Variants in FANK1 observed in about 807,000 individuals in gnomAD.
FANK1 encodes the protein fibronectin type 3 and ankyrin repeat domains protein 1.
Under a neutral mutation model 45.3 loss-of-function variants are expected in FANK1, and 44 were observed. The ratio of observed to expected loss-of-function variants is 0.97; its 90% CI spans 0.76 to 1.25. The LOEUF (loss-of-function observed/expected upper bound fraction) is 1.25, where lower values mean the gene tolerates loss of function less well. Among genes scored for constraint, FANK1 ranks in the 50% most tolerant of loss-of-function variants. FANK1 has a pLI of 0.00. For synonymous variants in FANK1, 149 were observed against 152.5 expected (o/e 0.98, Z 0.17); for missense variants, 391 against 424.4 (o/e 0.92, Z 0.69).
intron 1 of FANK1, among the ~76,000 whole-genome samples, chr10:125,924,523 A>G (rs905804678): frequency 1.4e-4 from 21 of 152,230 alleles, no homozygotes; most frequent in Non-Finnish European, 7.3e-5. Context: ...AAGTGCTGGG[A>G]TTACAGGCTT....
chr10:126,006,932 G>C (rs897215034), intron 7 of FANK1, among the ~76,000 whole-genome samples: 1 of 152,190 alleles, frequency 6.6e-6, no homozygotes, highest in Non-Finnish European at 1.5e-5. Flanking sequence ...TGGAAATGTA[G>C]GCTCTCTGGG....
At chr10:125,931,491 ATTAG>A (rs1465086975) in intron 1 of FANK1, among the ~76,000 whole-genome samples, 2 of 152,072 alleles carry the variant, frequency 1.3e-5, no homozygotes, top group Non-Finnish European at 2.9e-5. Context: ...TTTTTCATAT[ATTAG>A]TTGGCCATTT....
At position 125,944,835 on chromosome 10, in the gene FANK1, T is replaced by C. The variant is rs141719293; in HGVS notation, c.14-35326T>C. On this transcript the variant is annotated intron_variant, in intron 1 of 10. Coordinates refer to ENST00000368693, the MANE Select transcript of FANK1 (RefSeq NM_145235.5). ...CATCTATAGAAACAATGCTAATGACTGGTTTGCTGTCAGTAAATACGTGGG... is the reference window on the plus strand; with the variant it reads ...CATCTATAGAAACAATGCTAATGACCGGTTTGCTGTCAGTAAATACGTGGG... 5.1e-3 allele frequency among the ~76,000 whole-genome samples: 773 copies of C among 152,348 alleles called. 5 individuals are homozygous for C. The highest frequency in any genetic ancestry group is 0.018 in the African/African-American group (749 of 41,576).
chr10:125,924,474 G>C (rs537877745), intron 1 of FANK1, among the ~76,000 whole-genome samples: 1 of 151,884 alleles, frequency 6.6e-6, no homozygotes, highest in East Asian at 1.9e-4. Context: ...GGATGGTCTC[G>C]ATCTCTTCAC....
intron 3 of FANK1, among the ~76,000 whole-genome samples, chr10:125,991,474 T>C (rs1218038628): frequency 1.3e-5 from 2 of 152,138 alleles, no homozygotes; most frequent in Non-Finnish European, 2.9e-5. Context: ...ATATTTATAA[T>C]ATCCAAAGCA....
Position 125,994,569 on chromosome 10 carries a change from C to G in FANK1, c.317-848C>G, listed in dbSNP as rs1000566043. 81 of 985,208 alleles carry G rather than the reference C, an allele frequency of 8.2e-5. No individual in the cohort carries two copies. In the African/African-American group the frequency reaches 1.4e-3, roughly 17 times the overall value. 61.0% of individuals were successfully genotyped at this position (985,208 alleles called of 1,614,324 possible). The stretch of plus-strand genomic sequence containing the variant: ...CAACAGGTTGTGTGCTGGGTACTTA[C>G]GATGTGTCAGGTGCTATTCGAAGTG... On this transcript the variant is annotated intron_variant, in intron 3 of 10. Coordinates refer to ENST00000368693, the MANE Select transcript of FANK1 (RefSeq NM_145235.5).
intron 6 of FANK1, among the ~76,000 whole-genome samples, chr10:126,003,678 A>T (rs888765874): frequency 5.3e-5 from 8 of 151,266 alleles, no homozygotes; most frequent in Non-Finnish European, 7.4e-5. Flanking sequence ...TTTTTTATTT[A>T]TTTTTTTTAT....
chr10:125,924,474 G>A (rs537877745), intron 1 of FANK1, among the ~76,000 whole-genome samples: 4 of 151,768 alleles, frequency 2.6e-5, no homozygotes, highest in African/African-American at 9.7e-5. Flanking sequence ...GGATGGTCTC[G>A]ATCTCTTCAC....
At chr10:125,980,044 A>ATG in intron 1 of FANK1, 117 bp from the exon 2 acceptor site, 3 of 1,053,296 alleles carry the variant, frequency 2.8e-6, no homozygotes, top group Non-Finnish European at 4.1e-6. Flanking sequence ...GTATGCTCAT[A>ATG]TGTGTGCCTT....
At chr10:125,995,886 G>T (rs1238758515) in intron 4 of FANK1, among the ~76,000 whole-genome samples, 1 of 152,214 alleles carries the variant, frequency 6.6e-6, no homozygotes, top group African/African-American at 2.4e-5. Flanking sequence ...TTAGAAGGTT[G>T]ATGTAACACT....
At chr10:125,988,458 G>A in intron 2 of FANK1, 93 bp from the exon 3 acceptor site, 1 of 1,514,030 alleles carries the variant, frequency 6.6e-7, no homozygotes, top group Admixed American at 2.0e-5. Context: ...GAAATAGAAG[G>A]AAAATCACTT....
chr10:125,921,124 C>T (rs1564874249), intron 1 of FANK1, among the ~76,000 whole-genome samples: 1 of 152,150 alleles, frequency 6.6e-6, no homozygotes, highest in African/African-American at 2.4e-5. Flanking sequence ...TTGAACTTTC[C>T]AATCCGTGAA....
chr10:125,949,810 C>CA (rs1363797320), intron 1 of FANK1, among the ~76,000 whole-genome samples: 1 of 149,396 alleles, frequency 6.7e-6, no homozygotes, highest in African/African-American at 2.5e-5. Flanking sequence ...ATCGCCAAGT[C>CA]AATCCTAAGC....
intron 1 of FANK1, among the ~76,000 whole-genome samples, chr10:125,914,279 C>CCATATATATATATATATATATATATA (rs1307584710): frequency 1.4e-5 from 1 of 69,084 alleles, no homozygotes; most frequent in African/African-American, 6.9e-5. Context: ...TCTTTGTATG[C>CCATATATATATATATATATATATATA]CATATATATA....
chr10:125,957,212 A>G (rs1470213881), intron 1 of FANK1, among the ~76,000 whole-genome samples: 2 of 152,134 alleles, frequency 1.3e-5, no homozygotes, highest in South Asian at 4.1e-4. Flanking sequence ...CCACTGCTTG[A>G]TGTTATGCAC....
intron 6 of FANK1, among the ~76,000 whole-genome samples, chr10:126,003,198 C>G (rs1043091289): frequency 6.6e-6 from 1 of 150,908 alleles, no homozygotes; most frequent in Non-Finnish European, 1.5e-5. Context: ...TTGCTTGTCT[C>G]CCGGTTGTGG....
chr10:126,001,941 A>G (rs1274163673), intron 6 of FANK1, among the ~76,000 whole-genome samples: 3 of 152,050 alleles, frequency 2.0e-5, no homozygotes, highest in Non-Finnish European at 4.4e-5. Flanking sequence ...AGGTGAGGCT[A>G]TGGGTGACTC....
At chr10:126,004,847 G>A (rs1424357877) in intron 6 of FANK1, 37 bp from the exon 7 acceptor site, 2 of 1,608,996 alleles carry the variant, frequency 1.2e-6, no homozygotes, top group African/African-American at 1.3e-5. Context: ...TGGTGACTGT[G>A]CTTATTGTCA....
At chr10:125,901,560 G>T (rs1187164268) in intron 1 of FANK1, among the ~76,000 whole-genome samples, 1 of 152,184 alleles carries the variant, frequency 6.6e-6, no homozygotes, top group East Asian at 1.9e-4. Flanking sequence ...GATGTATTAT[G>T]CTTCAAGCAC....
Sources: allele counts gnomAD v4.1 joint callset (sites outside exome capture counted in the v4.1 genomes callset), GRCh38; gene constraint gnomAD v4.1.1; transcripts MANE v1.5; gene names NCBI Gene and HGNC (gene_info 2026-07-23, HGNC 2026-07-21).